Variants in IGF2BP2 observed in about 807,000 individuals in gnomAD.
The protein encoded by IGF2BP2 is insulin-like growth factor 2 mRNA-binding protein 2.
In IGF2BP2, 17 loss-of-function variants were observed where a neutral mutation model predicts 75.8. That is an observed-to-expected ratio of 0.22 (90% confidence interval 0.15 to 0.34). IGF2BP2 has a LOEUF of 0.34. Among genes scored for constraint, IGF2BP2 ranks in the 10% least tolerant of loss-of-function variants. IGF2BP2 has a pLI of 1.00. For synonymous variants in IGF2BP2, 288 were observed against 295.6 expected (o/e 0.97, Z 0.26); for missense variants, 516 against 772.4 (o/e 0.67, Z 3.93).
At chr3:185,767,980 T>C (rs994790090) in intron 2 of IGF2BP2, 2 of 152,192 alleles carry the variant, frequency 1.3e-5, no homozygotes, top group Non-Finnish European at 2.9e-5. Context: ...AATATTTCCT[T>C]AAAAAAATCT....
chr3:185,693,042 G>T, intron 4 of IGF2BP2: 1 of 281,052 alleles, frequency 3.6e-6, no homozygotes, highest in Non-Finnish European at 6.6e-6. Context: ...CATTTTCTTT[G>T]TATTTTTCAT....
Position 185,687,133 on chromosome 3 carries a change from C to A in IGF2BP2, c.736G>T (p.Ala246Ser), listed in dbSNP as rs1172105900. The change falls in exon 7 of 16, where the codon GCC (alanine) becomes TCC (serine). Residue 246 changes from alanine (A) to serine (S), a missense_variant. Ala to Ser is a moderately conservative substitution (Grantham distance 99, BLOSUM62 1). Transcript: ENST00000382199. ...GCTTCAGAAGTCCCCTCTGGGGTGG[C>A]ATGGATGGTGACAGGCTTCTCTGCA... is the stretch of plus-strand genomic sequence containing the variant. ...GAAEKPVTIH[A>S]TPEGTSEACR... 1.2e-6 allele frequency: 2 copies of A among 1,613,816 alleles called. No homozygotes were observed. Among genetic ancestry groups the A allele is most frequent in the Admixed American group, 1.7e-5 (1 of 59,862 alleles).
At chr3:185,756,730 T>C (rs1003307828) in intron 2 of IGF2BP2, among the ~76,000 whole-genome samples, 3 of 152,178 alleles carry the variant, frequency 2.0e-5, no homozygotes, top group East Asian at 1.9e-4. Context: ...TCCGACACTT[T>C]AGAAGGCTGA....
At chr3:185,815,010 T>A (rs1010902019) in intron 2 of IGF2BP2, among the ~76,000 whole-genome samples, 8 of 152,048 alleles carry the variant, frequency 5.3e-5, no homozygotes, top group Admixed American at 2.6e-4. Flanking sequence ...ACATTCTGTA[T>A]CCTAAACAAA....
At position 185,651,735 on chromosome 3, in the gene IGF2BP2, C is replaced by T. The variant is rs549208867; in HGVS notation, c.1461+359G>A. On this transcript the variant is annotated intron_variant, in intron 13 of 15. Coordinates refer to ENST00000382199, the MANE Select transcript of IGF2BP2 (RefSeq NM_006548.6). Reference sequence around the variant, plus strand: ...AAAAACCTTCCAACAAACCATGCTACTTCCCCTTACACCTGTGTTAGTCCT... The same window carrying T: ...AAAAACCTTCCAACAAACCATGCTATTTCCCCTTACACCTGTGTTAGTCCT... 1.4e-4 allele frequency among the ~76,000 whole-genome samples: 22 copies of T among 152,336 alleles called. No individual in the cohort carries two copies. In the South Asian group the frequency reaches 4.6e-3, roughly 32 times the overall value.
intron 2 of IGF2BP2, among the ~76,000 whole-genome samples, chr3:185,771,178 G>A (rs998131762): frequency 1.3e-5 from 2 of 152,150 alleles, no homozygotes; most frequent in Non-Finnish European, 2.9e-5. Flanking sequence ...GGTGGCTCAC[G>A]CCTGTAACCT....
chr3:185,752,088 G>A (rs899089935), intron 2 of IGF2BP2, among the ~76,000 whole-genome samples: 11 of 152,114 alleles, frequency 7.2e-5, no homozygotes, highest in African/African-American at 2.4e-4. Context: ...TATTGTACAA[G>A]TCTTTATATA....
At chr3:185,747,506 C>T (rs925700465) in intron 2 of IGF2BP2, among the ~76,000 whole-genome samples, 6 of 151,920 alleles carry the variant, frequency 3.9e-5, no homozygotes, top group African/African-American at 1.5e-4. Context: ...TGGTAAAACC[C>T]CATCTCTACT....
At chr3:185,797,702 G>A (rs1000320303) in intron 2 of IGF2BP2, among the ~76,000 whole-genome samples, 4 of 149,862 alleles carry the variant, frequency 2.7e-5, no homozygotes, top group East Asian at 1.9e-4. Flanking sequence ...CCAGGAGTTC[G>A]AGACCAGCCT....
intron 2 of IGF2BP2, among the ~76,000 whole-genome samples, chr3:185,782,406 A>G (rs767563044): frequency 2.0e-5 from 3 of 152,106 alleles, no homozygotes; most frequent in African/African-American, 7.2e-5. Context: ...CTAGACTAGA[A>G]GCATCATGTG....
chr3:185,767,269 T>C (rs1733215160), intron 2 of IGF2BP2, among the ~76,000 whole-genome samples: 1 of 152,342 alleles, frequency 6.6e-6, no homozygotes, highest in Admixed American at 6.5e-5. Context: ...TTGTGCTTAA[T>C]CTAGCTACTC....
chr3:185,697,429 T>TA (rs397713074), intron 3 of IGF2BP2, among the ~76,000 whole-genome samples: 1 of 151,950 alleles, frequency 6.6e-6, no homozygotes, highest in Non-Finnish European at 1.5e-5. Context: ...TTTTTTTTTT[T>TA]AAAGTAATAA....
rs1713452938 is a variant in IGF2BP2, at chr3:185,645,987, G to C, written c.1708-364C>G. Among the ~76,000 whole-genome samples, 5 of 152,254 alleles carry C rather than the reference G, an allele frequency of 3.3e-5. No homozygotes were observed. Among genetic ancestry groups the C allele is most frequent in the African/African-American group, 1.2e-4 (5 of 41,550 alleles). Reference sequence around the variant, plus strand: ...TCCCGCCCCCGTTCTACAGCGGCTAGGAGGGCATGAGTGTGAGGGACAGGG... The same window carrying C: ...TCCCGCCCCCGTTCTACAGCGGCTACGAGGGCATGAGTGTGAGGGACAGGG... On this transcript the variant is annotated intron_variant, in intron 15 of 15. Coordinates refer to ENST00000382199, the MANE Select transcript of IGF2BP2 (RefSeq NM_006548.6). The surrounding 1 kb of genome is among the most constrained non-coding windows in gnomAD (Gnocchi z 4.9).
At chr3:185,719,291 A>T (rs1726140481) in intron 2 of IGF2BP2, among the ~76,000 whole-genome samples, 1 of 152,336 alleles carries the variant, frequency 6.6e-6, no homozygotes, top group East Asian at 1.9e-4. Flanking sequence ...GCTCTACAAA[A>T]CTGTAAGACA....
intron 2 of IGF2BP2, among the ~76,000 whole-genome samples, chr3:185,749,992 A>G (rs749833493): frequency 1.3e-5 from 2 of 152,212 alleles, no homozygotes; most frequent in Non-Finnish European, 2.9e-5. Context: ...GTAGGTAAGG[A>G]CTATCTCCTA....
intron 10 of IGF2BP2, among the ~76,000 whole-genome samples, chr3:185,662,735 G>C (rs1429479293): frequency 6.6e-6 from 1 of 151,858 alleles, no homozygotes; most frequent in Non-Finnish European, 1.5e-5. Context: ...TAGAGATGGG[G>C]TTTCACCATG....
intron 10 of IGF2BP2, among the ~76,000 whole-genome samples, chr3:185,659,623 G>A (rs145028000): frequency 3.6e-4 from 54 of 151,970 alleles, no homozygotes; most frequent in South Asian, 6.3e-4. Context: ...TGATCTACCC[G>A]CCTTAGCCTC....
chr3:185,822,375 C>T (rs2150072031), intron 2 of IGF2BP2, among the ~76,000 whole-genome samples: 1 of 152,210 alleles, frequency 6.6e-6, no homozygotes, highest in South Asian at 2.1e-4. Flanking sequence ...TAATAAAGGG[C>T]CCAAATTTAA....
At chr3:185,733,399 A>G (rs1728439051) in intron 2 of IGF2BP2, among the ~76,000 whole-genome samples, 1 of 152,232 alleles carries the variant, frequency 6.6e-6, no homozygotes, top group South Asian at 2.1e-4. Context: ...GCTAAGCACC[A>G]GAAGTCCTAT....
Sources: gnomAD v4.1 joint callset for allele counts (sites outside exome capture counted in the v4.1 genomes callset) on GRCh38, gnomAD v4.1.1 for gene constraint, Gnocchi (gnomAD v3.1) non-coding constraint, MANE v1.5 for transcripts, NCBI Gene and HGNC (gene_info 2026-07-23, HGNC 2026-07-21) for gene names.